The following SULT6B1 variants were observed in gnomAD, a reference collection of about 807,000 sequenced individuals.
The protein encoded by SULT6B1 is sulfotransferase family 6B member 1.
A neutral mutation model predicts 37.2 loss-of-function variants in SULT6B1; 44 were observed. The ratio of observed to expected loss-of-function variants is 1.18; its 90% CI spans 0.93 to 1.52. The LOEUF is 1.52. Among genes scored for constraint, SULT6B1 ranks in the 40% most tolerant of loss-of-function variants. The pLI, the probability that SULT6B1 is intolerant of heterozygous loss-of-function variation, is 0.00. For missense variants in SULT6B1, 450 were observed against 361.0 expected (o/e 1.25, Z -2.00); for synonymous variants, 140 against 126.0 (o/e 1.11, Z -0.74).
chr2:37,168,978 T>A (rs1321060794), intron 6 of SULT6B1, among the ~76,000 whole-genome samples: 1 of 152,216 alleles, frequency 6.6e-6, no homozygotes, highest in East Asian at 1.9e-4. Flanking sequence ...ACAAATGTCA[T>A]CAGCTATATA....
In SULT6B1 at chr2:37,188,358, C is replaced by T. The variant is rs549242717; in HGVS notation, c.199+84G>A. ...CAGACAGATTCCTGCAATGAGGAAC[C>T]GCCTTCATCCCACCTTTGTCTCATA... On this transcript the variant is annotated intron_variant, in intron 1 of 6. Coordinates refer to ENST00000535679, the MANE Select transcript of SULT6B1 (RefSeq NM_001367551.1). The T allele has an allele frequency of 1.1e-4, 130 of 1,176,196 alleles. 1 individual carries two copies. Among genetic ancestry groups the T allele is most frequent in the Non-Finnish European group, 6.7e-5 (55 of 816,698 alleles). 72.9% of individuals were successfully genotyped at this position (1,176,196 alleles called of 1,614,324 possible).
intron 3 of SULT6B1, 75 bp from the exon 4 acceptor site, chr2:37,179,659 T>C (rs1676507962): frequency 1.5e-6 from 2 of 1,319,402 alleles, no homozygotes; most frequent in Middle Eastern, 1.9e-4. Flanking sequence ...GTGAGCAATA[T>C]CATCATGTCC....
chr2:37,182,293 G>T (rs1054045888), intron 3 of SULT6B1, among the ~76,000 whole-genome samples: 1 of 145,128 alleles, frequency 6.9e-6, no homozygotes, highest in Non-Finnish European at 1.5e-5. Flanking sequence ...TCGCTCTGCC[G>T]CCCAGGCTGG....
intron 2 of SULT6B1, among the ~76,000 whole-genome samples, chr2:37,184,709 G>A (rs1319343092): frequency 6.6e-6 from 1 of 152,164 alleles, no homozygotes; most frequent in African/African-American, 2.4e-5. Context: ...GTGCACACCT[G>A]TAGTCCCAGC....
chr2:37,178,629 A>G (rs1024344569), intron 4 of SULT6B1, among the ~76,000 whole-genome samples: 5 of 152,196 alleles, frequency 3.3e-5, no homozygotes, highest in African/African-American at 1.2e-4. Flanking sequence ...AATAATGCAT[A>G]GACGACCCCT....
chr2:37,178,828 T>C (rs1558447584), intron 4 of SULT6B1, among the ~76,000 whole-genome samples: 1 of 152,254 alleles, frequency 6.6e-6, no homozygotes. Context: ...CAGTGTTACA[T>C]AGTGACAAGG....
intron 1 of SULT6B1, among the ~76,000 whole-genome samples, chr2:37,195,390 T>C (rs963709909): frequency 1.3e-5 from 2 of 152,222 alleles, no homozygotes; most frequent in African/African-American, 4.8e-5. Flanking sequence ...TCACAATTTA[T>C]GATGCTTTAG....
At chr2:37,170,513 T>C (rs1229507685) in intron 6 of SULT6B1, among the ~76,000 whole-genome samples, 1 of 151,374 alleles carries the variant, frequency 6.6e-6, no homozygotes, top group East Asian at 1.9e-4. Flanking sequence ...AAAGGAGTCA[T>C]TGGCCAGGTG....
In SULT6B1 at chr2:37,169,585, G is replaced by A. The variant is rs529484702; in HGVS notation, c.782-1520C>T. On this transcript the variant is annotated intron_variant, in intron 6 of 6. Coordinates refer to ENST00000535679, the MANE Select transcript of SULT6B1 (RefSeq NM_001367551.1). ...GCTCACTGCAACCTCCACCTCCCAGGTTCAAGCAGTTCTCTGACTCAGCCT... is the reference window on the plus strand; with the variant it reads ...GCTCACTGCAACCTCCACCTCCCAGATTCAAGCAGTTCTCTGACTCAGCCT... Among the ~76,000 whole-genome samples the A allele has an allele frequency of 2.4e-3, 369 of 152,216 alleles. 2 individuals carry two copies. The highest frequency in any genetic ancestry group is 4.0e-3 in the Non-Finnish European group (272 of 68,002).
chr2:37,181,946 G>C (rs2148294325), intron 3 of SULT6B1, among the ~76,000 whole-genome samples: 1 of 152,282 alleles, frequency 6.6e-6, no homozygotes, highest in African/African-American at 2.4e-5. Context: ...TTTATCATTG[G>C]AGGTGCTGAA....
Position 37,188,654 on chromosome 2 carries a change from A to AAAAG in SULT6B1, c.-18_-15dup. 1.0e-6 allele frequency: 1 copy of AAAAG among 955,176 alleles called. No individual in the cohort carries two copies. The highest frequency in any genetic ancestry group is 1.7e-6 in the Non-Finnish European group (1 of 604,578). 59.2% of individuals were successfully genotyped at this position (955,176 alleles called of 1,614,324 possible). ...TTTATCAGCCATGGTGGCTCCCTGT[A>AAAAG]AAAGAACCTGCTCTGTGGCTGTTCA... On this transcript the variant is annotated 5_prime_UTR_variant, in exon 1 of 7. Coordinates refer to ENST00000535679, the MANE Select transcript of SULT6B1 (RefSeq NM_001367551.1).
At chr2:37,186,051 G>A (rs1183452408) in intron 2 of SULT6B1, among the ~76,000 whole-genome samples, 1 of 152,122 alleles carries the variant, frequency 6.6e-6, no homozygotes, top group Non-Finnish European at 1.5e-5. Flanking sequence ...TTTACCATGT[G>A]TTTTTCTGCT....
intron 4 of SULT6B1, among the ~76,000 whole-genome samples, chr2:37,178,469 C>G (rs1014195769): frequency 6.6e-6 from 1 of 152,124 alleles, no homozygotes; most frequent in Non-Finnish European, 1.5e-5. Context: ...CTCCTAACCT[C>G]GAGTCATCCG....
chr2:37,195,286 C>T (rs1353223096), intron 1 of SULT6B1, among the ~76,000 whole-genome samples: 2 of 152,142 alleles, frequency 1.3e-5, no homozygotes, highest in African/African-American at 4.8e-5. Flanking sequence ...CATCCTGGTA[C>T]TTTTAACACT....
At chr2:37,181,180 A>G (rs1374760851) in intron 3 of SULT6B1, among the ~76,000 whole-genome samples, 1 of 152,118 alleles carries the variant, frequency 6.6e-6, no homozygotes, top group South Asian at 2.1e-4. Flanking sequence ...ACTTAGATCT[A>G]ACACTCTTCC....
upstream of SULT6B1, among the ~76,000 whole-genome samples, chr2:37,190,389 C>T (rs1676757717): frequency 6.6e-6 from 1 of 152,114 alleles, no homozygotes; most frequent in African/African-American, 2.4e-5. Context: ...TTCTTAGTTA[C>T]CAAGCTGTAC....
At chr2:37,185,546 G>A (rs1409887492) in intron 2 of SULT6B1, among the ~76,000 whole-genome samples, 4 of 151,552 alleles carry the variant, frequency 2.6e-5, no homozygotes, top group African/African-American at 4.8e-5. Flanking sequence ...ACGAAACCCC[G>A]TCTCTACTAA....
intron 6 of SULT6B1, among the ~76,000 whole-genome samples, chr2:37,168,830 A>G (rs1676236370): frequency 6.6e-6 from 1 of 152,190 alleles, no homozygotes; most frequent in Admixed American, 6.5e-5. Context: ...TTTTTTCTTA[A>G]AGATCTTTTG....
intron 2 of SULT6B1, among the ~76,000 whole-genome samples, chr2:37,184,296 A>T (rs528165168): frequency 6.6e-6 from 1 of 152,362 alleles, no homozygotes; most frequent in Admixed American, 6.5e-5. Context: ...ATCTCAATGG[A>T]ACCTGAAAGT....
Sources: allele counts gnomAD v4.1 joint callset (sites outside exome capture counted in the v4.1 genomes callset), GRCh38; gene constraint gnomAD v4.1.1; transcripts MANE v1.5; gene names NCBI Gene and HGNC (gene_info 2026-07-23, HGNC 2026-07-21).